Variants in ZNF846 observed in about 807,000 individuals in gnomAD.
ZNF846 encodes the protein zinc finger protein 420 pseudogene.
In ZNF846, 15 loss-of-function variants were observed where a neutral mutation model predicts 16.0. The ratio of observed to expected loss-of-function variants is 0.94; its 90% CI spans 0.63 to 1.45. The LOEUF (loss-of-function observed/expected upper bound fraction) is 1.45, where lower values mean the gene tolerates loss of function less well. Ranked by LOEUF, ZNF846 falls within the 40% of genes most tolerant of loss-of-function variation. The probability of loss-of-function intolerance (pLI) is 0.00; values close to 1 mark genes in which losing one functional copy is unlikely to be tolerated. For missense variants in ZNF846, 714 were observed against 622.3 expected (o/e 1.15, Z -1.57); for synonymous variants, 229 against 212.0 (o/e 1.08, Z -0.70).
intron 1 of ZNF846, among the ~76,000 whole-genome samples, chr19:9,776,782 C>G (rs1184768436): frequency 6.6e-6 from 1 of 152,130 alleles, no homozygotes; most frequent in Non-Finnish European, 1.5e-5. Context: ...TCCCTCATAG[C>G]ATGAGAATAT....
At chr19:9,776,579 T>G (rs1198018978) in intron 1 of ZNF846, among the ~76,000 whole-genome samples, 1 of 152,212 alleles carries the variant, frequency 6.6e-6, no homozygotes, top group Non-Finnish European at 1.5e-5. Context: ...CTGCCCCTTT[T>G]GCTTTGTATC....
chr19:9,765,005 T>C lies in ZNF846; in HGVS notation c.-55A>G, dbSNP rs1376527791. 11 of 1,602,420 alleles carry C rather than the reference T, an allele frequency of 6.9e-6. No individual in the cohort carries two copies. In the African/African-American group the frequency reaches 8.0e-5, roughly 12 times the overall value. On this transcript the variant is annotated 5_prime_UTR_variant, in exon 2 of 6. It removes an upstream start codon present in the reference 5' UTR. Transcript: ENST00000397902. Reference sequence around the variant, plus strand: ...CCTTGGCTTCTCGATGTTCCTGTCATGAAGACAGAAAGTGTCCTGGAAAAA... The same window carrying C: ...CCTTGGCTTCTCGATGTTCCTGTCACGAAGACAGAAAGTGTCCTGGAAAAA...
Position 9,758,784 on chromosome 19 carries a change from G to A in ZNF846, c.313-20C>T. On this transcript the variant is annotated intron_variant, in intron 5 of 5. Transcript: ENST00000397902. ...TCTCTCCTGTTGAGATATAAAAGATGAATAAAGAATTTCTCACATTCAGTA... is the reference window on the plus strand; with the variant it reads ...TCTCTCCTGTTGAGATATAAAAGATAAATAAAGAATTTCTCACATTCAGTA... The A allele has an allele frequency of 6.6e-7, 1 of 1,508,376 alleles. No individual in the cohort carries two copies. 93.4% of individuals were successfully genotyped at this position (1,508,376 alleles called of 1,614,324 possible). A position where few individuals can be genotyped will look rare whatever the true frequency, so the allele number is the denominator to read the frequency against.
At chr19:9,763,532 C>T (rs541673502) in intron 2 of ZNF846, 124 bp from the exon 3 acceptor site, 1 of 797,792 alleles carries the variant, frequency 1.3e-6, no homozygotes, top group Admixed American at 2.7e-5. Flanking sequence ...GGCCTCTTCT[C>T]CTCTATATAG....
chr19:9,784,114 A>T (rs945090694), intron 1 of ZNF846, among the ~76,000 whole-genome samples: 1 of 151,116 alleles, frequency 6.6e-6, no homozygotes, highest in Non-Finnish European at 1.5e-5. Flanking sequence ...CGCAAGGTGG[A>T]GACAAGAGAC....
downstream of ZNF846, among the ~76,000 whole-genome samples, chr19:9,753,754 T>C (rs1450265237): frequency 6.6e-6 from 1 of 151,818 alleles, no homozygotes; most frequent in Non-Finnish European, 1.5e-5. Flanking sequence ...TGTTTCATTC[T>C]ATGTGACTTG....
At chr19:9,767,551 C>A (rs1232149315) in intron 1 of ZNF846, among the ~76,000 whole-genome samples, 2 of 152,200 alleles carry the variant, frequency 1.3e-5, no homozygotes, top group Non-Finnish European at 2.9e-5. Context: ...TGGCCTTTCA[C>A]ATTTTCTTTG....
chr19:9,763,072 A>AG (rs1253549272), intron 3 of ZNF846, among the ~76,000 whole-genome samples: 3 of 150,100 alleles, frequency 2.0e-5, no homozygotes, highest in Non-Finnish European at 4.4e-5. Context: ...TGAATCCAGG[A>AG]GGGGGGGCTT....
intron 3 of ZNF846, chr19:9,762,575 C>T (rs770072608): frequency 7.3e-5 from 12 of 164,958 alleles, no homozygotes; most frequent in Non-Finnish European, 1.6e-4. Flanking sequence ...AAAACCAAGT[C>T]CAACTTCATA....
Position 9,762,081 on chromosome 19 carries a change from C to A in ZNF846, c.229+1G>T, listed in dbSNP as rs1435544575. The A allele has an allele frequency of 6.2e-7, 1 of 1,613,276 alleles. No individual in the cohort carries two copies. The highest frequency in any genetic ancestry group is 1.7e-5 in the Admixed American group (1 of 59,994). ...AATACCACATCTGCTTATGAACTCA[C>A]CCTGCAGAACTCCTGTCACTCCTGT... On this transcript the variant is annotated splice_donor_variant, in intron 4 of 5. Coordinates refer to ENST00000397902, the Ensembl canonical transcript of ZNF846. LOFTEE classifies it high-confidence loss of function.
intron 2 of ZNF846, 82 bp downstream of exon 2, chr19:9,764,854 C>T: frequency 1.3e-6 from 2 of 1,516,134 alleles, no homozygotes; most frequent in East Asian, 4.5e-5. Context: ...CTTTAAGATG[C>T]TTGAATACAC....
rs576376443 is a variant in ZNF846 at position 9,765,626 on chromosome 19, T to C, written c.-85-591A>G. On this transcript the variant is annotated intron_variant, in intron 1 of 5. Coordinates refer to ENST00000397902, the Ensembl canonical transcript of ZNF846. ...TGGCAGAGTTTGCAGTGAGCCGAGA[T>C]TGCACCACTGCACTCCAGCCTGGGT... is the stretch of plus-strand genomic sequence containing the variant. Among the ~76,000 whole-genome samples the C allele has an allele frequency of 5.3e-5, 8 of 149,670 alleles. No homozygotes were observed. The East Asian group carries it at 1.4e-3, about 26-fold the overall frequency.
chr19:9,756,352 T>A (rs1303393239), downstream of ZNF846: 1 of 50,998 alleles, frequency 2.0e-5, no homozygotes, highest in Non-Finnish European at 3.8e-5. Context: ...TGTGTATATA[T>A]ATATATATAT....
At chr19:9,757,969 C>T (rs2045159148) in exon 6 of ZNF846, 3 of 1,613,524 alleles carry the variant, frequency 1.9e-6, no homozygotes, top group East Asian at 2.2e-5. Flanking sequence ...TTCCCACATG[C>T]CTTACATAAA....
chr19:9,757,173 TGAGA>T (rs890395208), downstream of ZNF846, among the ~76,000 whole-genome samples: 2 of 149,204 alleles, frequency 1.3e-5, no homozygotes, highest in Admixed American at 6.7e-5. Context: ...CCAGCCTGGG[TGAGA>T]GAGAGAGACT....
At chr19:9,771,684 C>T (rs2045391864), upstream of ZNF846, among the ~76,000 whole-genome samples, 1 of 151,918 alleles carries the variant, frequency 6.6e-6, no homozygotes, top group South Asian at 2.1e-4. Flanking sequence ...TTTGTTATCC[C>T]CTTATTAGTT....
downstream of ZNF846, among the ~76,000 whole-genome samples, chr19:9,754,564 T>TAAAAAAAAAAA (rs545236944): frequency 2.3e-5 from 2 of 88,696 alleles, no homozygotes; most frequent in African/African-American, 5.2e-5. Context: ...GACTCTGTCT[T>TAAAAAAAAAAA]AAAAAAAAAA....
intron 1 of ZNF846, among the ~76,000 whole-genome samples, chr19:9,766,551 G>A (rs1291662435): frequency 2.0e-5 from 3 of 151,812 alleles, no homozygotes; most frequent in Admixed American, 1.3e-4. Flanking sequence ...ACGTATGCAT[G>A]TTGCATCACC....
chr19:9,762,301 C>A, intron 3 of ZNF846, 133 bp from the exon 4 acceptor site: 1 of 674,514 alleles, frequency 1.5e-6, no homozygotes, highest in Non-Finnish European at 2.6e-6. Context: ...GCAAACTAAT[C>A]ATATAACATT....
Sources: allele counts gnomAD v4.1 joint callset (sites outside exome capture counted in the v4.1 genomes callset), GRCh38; gene constraint gnomAD v4.1.1; transcripts MANE v1.5; gene names NCBI Gene and HGNC (gene_info 2026-07-23, HGNC 2026-07-21).